The following RIMS4 variants were observed in gnomAD, a reference collection of about 807,000 sequenced individuals.
RIMS4 encodes regulating synaptic membrane exocytosis protein 4.
Under a neutral mutation model 29.0 loss-of-function variants are expected in RIMS4, and 9 were observed. The ratio of observed to expected loss-of-function variants is 0.31; its 90% CI spans 0.19 to 0.54. RIMS4 has a LOEUF of 0.54. Ranked by LOEUF, RIMS4 falls within the 20% of genes least tolerant of loss-of-function variation. The probability of loss-of-function intolerance (pLI) is 0.94; values close to 1 mark genes in which losing one functional copy is unlikely to be tolerated. For synonymous variants in RIMS4, 130 were observed against 152.9 expected, an observed-to-expected ratio of 0.85 and a Z score of 1.10; for missense variants, 193 against 365.7, an observed-to-expected ratio of 0.53 and a Z score of 3.85.
At chr20:44,793,990 G>A (rs1409293623) in intron 1 of RIMS4, among the ~76,000 whole-genome samples, 1 of 152,168 alleles carries the variant, frequency 6.6e-6, no homozygotes, top group African/African-American at 2.4e-5. Flanking sequence ...GATCACTTGA[G>A]CCCAAGAGTT....
intron 1 of RIMS4, among the ~76,000 whole-genome samples, chr20:44,776,634 G>A (rs1345838526): frequency 6.6e-6 from 1 of 152,158 alleles, no homozygotes; most frequent in Admixed American, 6.5e-5. Flanking sequence ...AGGGCTATGT[G>A]AGCACTAAAT....
intron 2 of RIMS4, among the ~76,000 whole-genome samples, chr20:44,761,620 G>A (rs2066085514): frequency 6.6e-6 from 1 of 152,192 alleles, no homozygotes; most frequent in South Asian, 2.1e-4. Flanking sequence ...TAGCAGGCTT[G>A]ATGACGCATC....
intron 1 of RIMS4, among the ~76,000 whole-genome samples, chr20:44,797,779 G>T (rs1282907924): frequency 6.6e-6 from 1 of 152,102 alleles, no homozygotes; most frequent in African/African-American, 2.4e-5. Context: ...GGTCAGCCTT[G>T]GTTTGAGACC....
intron 1 of RIMS4, among the ~76,000 whole-genome samples, chr20:44,780,172 A>T (rs548729574): frequency 1.3e-5 from 2 of 152,308 alleles, no homozygotes; most frequent in South Asian, 4.1e-4. Flanking sequence ...ATCGATTCTA[A>T]GACAAGCATT....
At chr20:44,787,532 C>T (rs1317312407) in intron 1 of RIMS4, among the ~76,000 whole-genome samples, 2 of 152,028 alleles carry the variant, frequency 1.3e-5, no homozygotes, top group Non-Finnish European at 2.9e-5. Flanking sequence ...GAACACCGGC[C>T]GCCTGGAGCC....
chr20:44,770,274 G>C (rs907504941), intron 2 of RIMS4, among the ~76,000 whole-genome samples: 9 of 152,162 alleles, frequency 5.9e-5, no homozygotes, highest in African/African-American at 2.2e-4. Flanking sequence ...TCATGATGCA[G>C]AGTGAGCTCT....
At chr20:44,793,180 A>C (rs957042812) in intron 1 of RIMS4, among the ~76,000 whole-genome samples, 2 of 152,206 alleles carry the variant, frequency 1.3e-5, no homozygotes, top group African/African-American at 4.8e-5. Context: ...GCTCACTCTC[A>C]GTTCTAAGGA....
chr20:44,787,122 AAACGTAAAGGCC>A (rs1461786709), intron 1 of RIMS4, among the ~76,000 whole-genome samples: 1 of 152,172 alleles, frequency 6.6e-6, no homozygotes, highest in Non-Finnish European at 1.5e-5. Context: ...CAGGGAACAG[AAACGTAAAGGCC>A]CGTGGCAGAC....
intron 1 of RIMS4, among the ~76,000 whole-genome samples, chr20:44,782,125 C>T (rs1267622617): frequency 6.6e-6 from 1 of 152,108 alleles, no homozygotes; most frequent in East Asian, 1.9e-4. Context: ...AGTTCCCCTG[C>T]AAAACAGGAA....
intron 4 of RIMS4, 97 bp downstream of exon 4, chr20:44,757,573 G>A (rs1300015112): frequency 5.1e-6 from 5 of 988,482 alleles, no homozygotes; most frequent in Non-Finnish European, 8.1e-6. Flanking sequence ...GGTCCCCACA[G>A]TTGGGCCCAA....
intron 1 of RIMS4, among the ~76,000 whole-genome samples, chr20:44,789,723 GTTTTAT>G (rs2066224778): frequency 6.6e-6 from 1 of 152,152 alleles, no homozygotes; most frequent in African/African-American, 2.4e-5. Context: ...ATCTGGCTGA[GTTTTAT>G]TTATTATAGA....
At chr20:44,782,156 C>A (rs1274283725) in intron 1 of RIMS4, among the ~76,000 whole-genome samples, 1 of 152,148 alleles carries the variant, frequency 6.6e-6, no homozygotes, top group Admixed American at 6.5e-5. Flanking sequence ...ATCCACTCCA[C>A]CTATTGTTGT....
rs1555866081 is a variant in RIMS4 at position 44,810,519 on chromosome 20, C to CGGCGGCGGCGGCGGCGGT, written c.-249_-248insACCGCCGCCGCCGCCGCC. ...GCGGCGGCGGCGGCGGCGGCGGTGGCGGCGGCGGTGGCGGCGCAGCGCGCT... is the reference window on the plus strand; with the variant it reads ...GCGGCGGCGGCGGCGGCGGCGGTGGCGGCGGCGGCGGCGGCGGTGGCGGCGGTGGCGGCGCAGCGCGCT... On this transcript the variant is annotated 5_prime_UTR_variant, in exon 1 of 6. Transcript: ENST00000372851. Among the ~76,000 whole-genome samples the CGGCGGCGGCGGCGGCGGT allele has an allele frequency of 7.0e-6, 1 of 142,378 alleles. No individual in the cohort carries two copies. The highest frequency in any genetic ancestry group is 1.6e-5 in the Non-Finnish European group (1 of 64,068). 93.4% of individuals were successfully genotyped at this position (142,378 alleles called of 152,430 possible). A position where few individuals can be genotyped will look rare whatever the true frequency, so the allele number is the denominator to read the frequency against.
intron 2 of RIMS4, among the ~76,000 whole-genome samples, chr20:44,765,960 T>A (rs1238074677): frequency 6.6e-6 from 1 of 152,204 alleles, no homozygotes; most frequent in South Asian, 2.1e-4. Flanking sequence ...CACACCCACC[T>A]ATTATTCATC....
At chr20:44,787,519 C>T (rs139194385) in intron 1 of RIMS4, among the ~76,000 whole-genome samples, 317 of 152,120 alleles carry the variant, frequency 2.1e-3, no homozygotes, top group African/African-American at 7.3e-3. Context: ...AGGGCTGGGA[C>T]GGGAACACCG....
At chr20:44,796,780 A>G (rs2066256978) in intron 1 of RIMS4, among the ~76,000 whole-genome samples, 1 of 152,254 alleles carries the variant, frequency 6.6e-6, no homozygotes, top group Non-Finnish European at 1.5e-5. Flanking sequence ...TCAAATATGA[A>G]GAAGCTGGGT....
intron 1 of RIMS4, among the ~76,000 whole-genome samples, chr20:44,775,765 C>T (rs1194072125): frequency 6.6e-6 from 1 of 152,170 alleles, no homozygotes; most frequent in African/African-American, 2.4e-5. Flanking sequence ...CAGGCTGGCA[C>T]CCTAAGCAAG....
At chr20:44,764,556 A>G (rs1406943585) in intron 2 of RIMS4, among the ~76,000 whole-genome samples, 1 of 152,150 alleles carries the variant, frequency 6.6e-6, no homozygotes, top group East Asian at 1.9e-4. Context: ...GCAGCCTGTG[A>G]GTGATTGTGA....
chr20:44,770,686 G>A (rs2066133181), intron 2 of RIMS4, among the ~76,000 whole-genome samples: 1 of 152,178 alleles, frequency 6.6e-6, no homozygotes, highest in Non-Finnish European at 1.5e-5. Context: ...AGCCCACAGA[G>A]GGAAACGCTG....
Sources: gnomAD v4.1 joint callset for allele counts (sites outside exome capture counted in the v4.1 genomes callset) on GRCh38, gnomAD v4.1.1 for gene constraint, MANE v1.5 for transcripts, NCBI Gene and HGNC (gene_info 2026-07-23, HGNC 2026-07-21) for gene names.